The following CABYR variants were observed in gnomAD, a reference collection of about 807,000 sequenced individuals.
The protein encoded by CABYR is calcium binding tyrosine phosphorylation regulated.
A neutral mutation model predicts 36.1 loss-of-function variants in CABYR; 31 were observed. That is an observed-to-expected ratio of 0.86 (90% CI 0.64 to 1.16). The LOEUF is 1.16. Ranked by LOEUF, CABYR falls within the 50% of genes most tolerant of loss-of-function variation. The pLI, the probability that CABYR is intolerant of heterozygous loss-of-function variation, is 0.00. For synonymous variants in CABYR, 146 were observed against 160.7 expected, an observed-to-expected ratio of 0.91 and a Z score of 0.69; for missense variants, 429 against 455.8, an observed-to-expected ratio of 0.94 and a Z score of 0.53.
At chr18:24,146,439 C>T (rs2085460406) in intron 3 of CABYR, among the ~76,000 whole-genome samples, 1 of 152,018 alleles carries the variant, frequency 6.6e-6, no homozygotes, top group African/African-American at 2.4e-5. Context: ...GTCTCAGCTA[C>T]TCAGGAGGCT....
chr18:24,156,856 C>T (rs762498046), intron 4 of CABYR: 1 of 1,614,048 alleles, frequency 6.2e-7, no homozygotes, highest in Non-Finnish European at 8.5e-7. Flanking sequence ...CCTGTGCTCT[C>T]TGGGGAAGCT....
chr18:24,159,089 C>T (rs1439320094), intron 4 of CABYR, among the ~76,000 whole-genome samples: 7 of 152,204 alleles, frequency 4.6e-5, no homozygotes, highest in Non-Finnish European at 1.0e-4. Flanking sequence ...TGCACTAACG[C>T]TTCCTTTAAT....
At chr18:24,157,281 T>C (rs2085815879) in intron 4 of CABYR, among the ~76,000 whole-genome samples, 2 of 152,204 alleles carry the variant, frequency 1.3e-5, no homozygotes, top group Non-Finnish European at 2.9e-5. Flanking sequence ...CAGTATAGCC[T>C]GTTGTCAGGT....
chr18:24,144,073 T>C (rs1211444622), intron 3 of CABYR, among the ~76,000 whole-genome samples: 3 of 152,058 alleles, frequency 2.0e-5, no homozygotes, highest in Admixed American at 2.0e-4. Context: ...AACTTTTGTA[T>C]GTTTAGTAGA....
intron 3 of CABYR, among the ~76,000 whole-genome samples, chr18:24,143,726 G>A (rs1397755910): frequency 7.9e-5 from 12 of 151,978 alleles, no homozygotes; most frequent in Non-Finnish European, 2.9e-5. Flanking sequence ...GATAGTGATG[G>A]GGTCTTGCCT....
intron 3 of CABYR, among the ~76,000 whole-genome samples, chr18:24,145,351 C>G (rs2085433808): frequency 1.3e-5 from 2 of 152,156 alleles, no homozygotes; most frequent in African/African-American, 4.8e-5. Flanking sequence ...AAACGAAGTC[C>G]AGCACCTAGA....
chr18:24,160,829 C>T (rs1247872796), intron 5 of CABYR: 1 of 152,252 alleles, frequency 6.6e-6, no homozygotes, highest in Non-Finnish European at 1.5e-5. Flanking sequence ...TAAACTGACA[C>T]CTGAGTATGA....
intron 5 of CABYR, among the ~76,000 whole-genome samples, chr18:24,161,127 G>GA (rs1216599125): frequency 6.6e-6 from 1 of 152,142 alleles, no homozygotes; most frequent in Non-Finnish European, 1.5e-5. Flanking sequence ...GAGATGAGTT[G>GA]AAAGTACAGA....
intron 3 of CABYR, among the ~76,000 whole-genome samples, chr18:24,151,084 C>G (rs1247218346): frequency 6.6e-6 from 1 of 152,140 alleles, no homozygotes; most frequent in Non-Finnish European, 1.5e-5. Context: ...TTTCAGATTT[C>G]CCATTCCATG....
At chr18:24,140,293 A>T (rs2085279107) in intron 1 of CABYR, 1 of 152,184 alleles carries the variant, frequency 6.6e-6, no homozygotes, top group Admixed American at 6.5e-5. Context: ...TAGACATATG[A>T]TATATATGAG....
intron 1 of CABYR, chr18:24,140,357 T>C (rs2085282516): frequency 6.6e-6 from 1 of 152,250 alleles, no homozygotes; most frequent in Non-Finnish European, 1.5e-5. Flanking sequence ...AAACATGTCA[T>C]GCTGCCTATG....
chr18:24,143,711 T>G (rs972733618), intron 3 of CABYR, among the ~76,000 whole-genome samples: 5 of 152,076 alleles, frequency 3.3e-5, no homozygotes, highest in Admixed American at 3.3e-4. Flanking sequence ...TTTTTATAAA[T>G]TTTTGATAGT....
At position 24,157,103 on chromosome 18, in the gene CABYR, T is replaced by C. The variant is rs1012424872; in HGVS notation, c.541+1061T>C. The C allele has an allele frequency of 6.3e-6, 5 of 797,380 alleles. No individual in the cohort carries two copies. In the South Asian group the frequency reaches 9.4e-5, roughly 15 times the overall value. The allele number at this position is 797,380 out of a possible 1,614,324, so 49.4% of individuals were successfully genotyped here. ...CCTGCAGATTGGTCAGTCTTTATTT[T>C]CAATAGACTTTTTTTAAATGCCAAA... On this transcript the variant is annotated intron_variant, in intron 4 of 5. Transcript: ENST00000399496.
intron 3 of CABYR, among the ~76,000 whole-genome samples, chr18:24,152,492 C>G (rs1450604746): frequency 6.6e-6 from 1 of 152,132 alleles, no homozygotes; most frequent in Non-Finnish European, 1.5e-5. Context: ...ATCATACATT[C>G]CCTGGTAAAT....
intron 4 of CABYR, chr18:24,157,063 C>CCT: frequency 4.7e-6 from 6 of 1,272,458 alleles, no homozygotes; most frequent in Non-Finnish European, 6.6e-6. Context: ...TTCAGGTAGC[C>CCT]ATCTCTGTCG....
At chr18:24,158,253 A>C (rs115322065) in intron 4 of CABYR, among the ~76,000 whole-genome samples, 3,785 of 152,264 alleles carry the variant, frequency 0.025, 140 homozygotes, top group African/African-American at 0.081. Flanking sequence ...CTTAAAAAAA[A>C]AGATTACTTG....
chr18:24,149,620 G>A (rs2085560691), intron 3 of CABYR, among the ~76,000 whole-genome samples: 2 of 152,240 alleles, frequency 1.3e-5, no homozygotes, highest in South Asian at 2.1e-4. Context: ...GCTCATCGGG[G>A]AGGCTCGGGC....
intron 5 of CABYR, 83 bp downstream of exon 5, chr18:24,160,152 G>GAT: frequency 1.0e-6 from 1 of 988,578 alleles, no homozygotes; most frequent in Admixed American, 2.3e-5. Flanking sequence ...TGGAGATTTA[G>GAT]ATATTTAAAA....
At chr18:24,153,268 TC>T (rs1304139558) in intron 3 of CABYR, among the ~76,000 whole-genome samples, 1 of 151,998 alleles carries the variant, frequency 6.6e-6, no homozygotes, top group East Asian at 1.9e-4. Flanking sequence ...TTCTCGGTGT[TC>T]CTGCCCTCCG....
Sources: allele counts gnomAD v4.1 joint callset (sites outside exome capture counted in the v4.1 genomes callset), GRCh38; gene constraint gnomAD v4.1.1; transcripts MANE v1.5; gene names NCBI Gene and HGNC (gene_info 2026-07-23, HGNC 2026-07-21).